Variants in SRD5A2 observed in about 807,000 individuals in gnomAD.
The protein encoded by SRD5A2 is 3-oxo-5-alpha-steroid 4-dehydrogenase 2.
In SRD5A2, 30 loss-of-function variants were observed where a neutral mutation model predicts 27.4. That is an observed-to-expected ratio of 1.10 (90% CI 0.82 to 1.49). SRD5A2 has a LOEUF of 1.49. Ranked by LOEUF, SRD5A2 falls within the 40% of genes most tolerant of loss-of-function variation. The probability of loss-of-function intolerance (pLI) is 0.00; values close to 1 mark genes in which losing one functional copy is unlikely to be tolerated. For missense variants in SRD5A2, 348 were observed against 323.4 expected, an observed-to-expected ratio of 1.08 and a Z score of -0.58; for synonymous variants, 141 against 133.6, an observed-to-expected ratio of 1.06 and a Z score of -0.38.
the SRD5A2 span, among the ~76,000 whole-genome samples, chr2:31,656,112 A>T: frequency 6.6e-6 from 1 of 152,218 alleles, no homozygotes; most frequent in Non-Finnish European, 1.5e-5. Flanking sequence ...GGAATCAAGA[A>T]GGGTGAAGGT....
the SRD5A2 span, among the ~76,000 whole-genome samples, chr2:31,595,357 A>G: frequency 6.6e-6 from 1 of 152,314 alleles, no homozygotes; most frequent in South Asian, 2.1e-4. Context: ...GCTCAATTAG[A>G]AATGAAATGG....
Position 31,522,847 on chromosome 2 carries a change from C to T in SRD5A2, c.*3349G>A, listed in dbSNP as rs1241730778. 8 of 222,248 alleles carry T rather than the reference C, an allele frequency of 3.6e-5. No individual in the cohort carries two copies. Among genetic ancestry groups the T allele is most frequent in the African/African-American group, 9.0e-5 (4 of 44,690 alleles). 13.8% of individuals were successfully genotyped at this position (222,248 alleles called of 1,614,324 possible). A position where few individuals can be genotyped will look rare whatever the true frequency, so the allele number is the denominator to read the frequency against. ...CTTATTAGAGAACCAAAAGGCCAAG[C>T]GGGAAAAGAAATGAATCTTCATGAG... is the stretch of plus-strand genomic sequence containing the variant. On this transcript the variant is annotated 3_prime_UTR_variant, in exon 5 of 5. Transcript: ENST00000622030.
intron 4 of SRD5A2, 110 bp from the exon 5 acceptor site, chr2:31,526,372 T>A: frequency 1.4e-6 from 1 of 721,290 alleles, no homozygotes; most frequent in Non-Finnish European, 2.5e-6. Context: ...ATTTTGGGCC[T>A]GACTATTTCG....
chr2:31,619,361 T>C, the SRD5A2 span, among the ~76,000 whole-genome samples: 2 of 152,182 alleles, frequency 1.3e-5, no homozygotes, highest in Non-Finnish European at 2.9e-5. Flanking sequence ...TTAGGTTGAT[T>C]CCATATCTTT....
At chr2:31,566,170 TAAC>T in intron 1 of SRD5A2, among the ~76,000 whole-genome samples, 1 of 152,164 alleles carries the variant, frequency 6.6e-6, no homozygotes, top group Middle Eastern at 3.4e-3. Context: ...ATTAAAATGG[TAAC>T]AACATGTCGG....
At chr2:31,557,617 A>T (rs1666526249) in intron 1 of SRD5A2, among the ~76,000 whole-genome samples, 1 of 152,202 alleles carries the variant, frequency 6.6e-6, no homozygotes, top group African/African-American at 2.4e-5. Flanking sequence ...TAAAATGGAG[A>T]TGGAGTAGGA....
At chr2:31,602,452 G>T in the SRD5A2 span, among the ~76,000 whole-genome samples, 1 of 152,028 alleles carries the variant, frequency 6.6e-6, no homozygotes, top group Admixed American at 6.6e-5. Flanking sequence ...TGGATAGGAA[G>T]AATCAATATT....
chr2:31,610,491 A>C, the SRD5A2 span, among the ~76,000 whole-genome samples: 1 of 152,162 alleles, frequency 6.6e-6, no homozygotes, highest in Non-Finnish European at 1.5e-5. Flanking sequence ...AATGTACCTC[A>C]ACATAATATA....
chr2:31,559,272 T>C (rs1666565230), intron 1 of SRD5A2, among the ~76,000 whole-genome samples: 1 of 152,222 alleles, frequency 6.6e-6, no homozygotes, highest in African/African-American at 2.4e-5. Context: ...CTTTCCAGAT[T>C]TCAATCAAGA....
chr2:31,526,296 A>T (rs765454416), intron 4 of SRD5A2, 34 bp from the exon 5 acceptor site: 2 of 1,379,748 alleles, frequency 1.4e-6, no homozygotes, highest in Non-Finnish European at 2.0e-6. Context: ...TGTAAATATA[A>T]TGGAGCAGTG....
chr2:31,544,066 A>T (rs1666195530), intron 1 of SRD5A2, among the ~76,000 whole-genome samples: 1 of 152,054 alleles, frequency 6.6e-6, no homozygotes, highest in Non-Finnish European at 1.5e-5. Flanking sequence ...TGGACTTTAA[A>T]TTTTTTTAAA....
At chr2:31,537,385 C>T (rs533482469) in intron 1 of SRD5A2, among the ~76,000 whole-genome samples, 160 of 152,284 alleles carry the variant, frequency 1.1e-3, no homozygotes, top group African/African-American at 3.8e-3. Context: ...CTTCCCCCTC[C>T]TCCCATGGAA....
the SRD5A2 span, among the ~76,000 whole-genome samples, chr2:31,595,486 C>T: frequency 1.3e-5 from 2 of 151,938 alleles, no homozygotes; most frequent in African/African-American, 4.8e-5. Context: ...AATATACAAC[C>T]CTCCCAGATT....
the SRD5A2 span, among the ~76,000 whole-genome samples, chr2:31,638,850 T>G: frequency 6.6e-6 from 1 of 152,038 alleles, no homozygotes. Flanking sequence ...AATTGGGTCT[T>G]GCTTTTTTGT....
the SRD5A2 span, among the ~76,000 whole-genome samples, chr2:31,616,423 G>A: frequency 1.3e-5 from 2 of 152,182 alleles, no homozygotes; most frequent in Non-Finnish European, 2.9e-5. Context: ...GAGGAGAGGT[G>A]TACCCTGCAA....
At position 31,525,883 on chromosome 2, in the gene SRD5A2, T is replaced by C. The variant is rs1299476917; in HGVS notation, c.*313A>G. On this transcript the variant is annotated 3_prime_UTR_variant, in exon 5 of 5. Coordinates refer to ENST00000622030, the MANE Select transcript of SRD5A2 (RefSeq NM_000348.4). ...GACAGGGAGTGGGTATGAAGCCACATGTACTTGGATTGCCCGGTGAAAGAC... is the reference window on the plus strand; with the variant it reads ...GACAGGGAGTGGGTATGAAGCCACACGTACTTGGATTGCCCGGTGAAAGAC... The C allele has an allele frequency of 2.0e-5, 6 of 304,470 alleles. No individual in the cohort carries two copies. In the South Asian group the frequency reaches 5.7e-4, roughly 29 times the overall value. 18.9% of individuals were successfully genotyped at this position (304,470 alleles called of 1,614,324 possible). A position where few individuals can be genotyped will look rare whatever the true frequency, so the allele number is the denominator to read the frequency against.
At chr2:31,593,293 C>T in the SRD5A2 span, among the ~76,000 whole-genome samples, 1 of 151,576 alleles carries the variant, frequency 6.6e-6, no homozygotes, top group Non-Finnish European at 1.5e-5. Context: ...CAAAAAAATA[C>T]AAAATATGGA....
In SRD5A2 at chr2:31,523,680, C is replaced by T. The variant is rs1045792913; in HGVS notation, c.*2516G>A. On this transcript the variant is annotated 3_prime_UTR_variant, in exon 5 of 5. Coordinates refer to ENST00000622030, the MANE Select transcript of SRD5A2 (RefSeq NM_000348.4). Reference sequence around the variant, plus strand: ...ATAGAGTATCTTGTGAGCTAGGACACTGTTAGATTATTTTAGCCAAAAAAC... The same window carrying T: ...ATAGAGTATCTTGTGAGCTAGGACATTGTTAGATTATTTTAGCCAAAAAAC... The T allele has an allele frequency of 1.8e-5, 4 of 221,204 alleles. No individual in the cohort carries two copies. Among genetic ancestry groups the T allele is most frequent in the Non-Finnish European group, 2.7e-5 (3 of 110,556 alleles). 13.7% of individuals were successfully genotyped at this position (221,204 alleles called of 1,614,324 possible).
At chr2:31,606,745 T>C in the SRD5A2 span, among the ~76,000 whole-genome samples, 2 of 151,900 alleles carry the variant, frequency 1.3e-5, no homozygotes, top group African/African-American at 4.8e-5. Context: ...CCTCTAATCA[T>C]CTCCATTCTG....
Sources: gnomAD v4.1 joint callset for allele counts (sites outside exome capture counted in the v4.1 genomes callset) on GRCh38, gnomAD v4.1.1 for gene constraint, MANE v1.5 for transcripts, NCBI Gene and HGNC (gene_info 2026-07-23, HGNC 2026-07-21) for gene names.